UNKL: variants seen among roughly 807,000 people sequenced by gnomAD.
The protein encoded by UNKL is unk like zinc finger, also known as putative E3 ubiquitin-protein ligase UNKL.
UNKL carries 60 observed loss-of-function variants against 78.0 expected under a neutral mutation model. That is an observed-to-expected ratio of 0.77 (90% CI 0.63 to 0.95). The LOEUF (loss-of-function observed/expected upper bound fraction) is 0.95. Ranked by LOEUF, UNKL falls within the 40% of genes least tolerant of loss-of-function variation. UNKL has a pLI of 0.00. For missense variants in UNKL, 1,159 were observed against 1,045.7 expected (o/e 1.11, Z -1.49); for synonymous variants, 608 against 474.8 (o/e 1.28, Z -3.65).
intron 5 of UNKL, among the ~76,000 whole-genome samples, chr16:1,397,783 G>A (rs149450128): frequency 0.029 from 2,482 of 85,510 alleles, 36 homozygotes; most frequent in Middle Eastern, 0.088. Flanking sequence ...CCCCCACCCC[G>A]ACCCCCGTGC....
At chr16:1,366,452 G>A (rs2035261078) in intron 14 of UNKL, 57 bp from the exon 15 acceptor site, 1 of 1,491,614 alleles carries the variant, frequency 6.7e-7, no homozygotes, top group Non-Finnish European at 9.0e-7. Context: ...TGGGCCAGCT[G>A]GGGAGCCGGA....
chr16:1,398,639 C>T, intron 5 of UNKL: 2 of 1,442,590 alleles, frequency 1.4e-6, no homozygotes, highest in South Asian at 2.9e-5. Flanking sequence ...TCAGGGAGGC[C>T]AAGGCCATGG....
intron 10 of UNKL, among the ~76,000 whole-genome samples, chr16:1,375,251 T>G (rs1369387242): frequency 4.6e-5 from 7 of 152,206 alleles, no homozygotes; most frequent in Non-Finnish European, 7.4e-5. Context: ...ACCCCGAATC[T>G]GGCCGCGCTC....
At chr16:1,368,935 A>C (rs1015914206) in intron 12 of UNKL, among the ~76,000 whole-genome samples, 1 of 151,974 alleles carries the variant, frequency 6.6e-6, no homozygotes, top group African/African-American at 2.4e-5. Context: ...TTGTAGACTC[A>C]GGAGTCTCAC....
At position 1,366,187 on chromosome 16, in the gene UNKL, G is replaced by A; in HGVS notation, c.*53C>T. On this transcript the variant is annotated 3_prime_UTR_variant, in exon 15 of 15. Coordinates refer to ENST00000389221, the MANE Select transcript of UNKL (RefSeq NM_001372107.1). ...GCGAGTGACGACATGTCCGTGGTCA[G>A]GAGGAGCGCTGGAGCCAGGGTGCCC... The A allele has an allele frequency of 1.4e-6, 2 of 1,442,790 alleles. No homozygotes were observed. Among genetic ancestry groups the A allele is most frequent in the Non-Finnish European group, 1.8e-6 (2 of 1,088,356 alleles). 89.4% of individuals were successfully genotyped at this position (1,442,790 alleles called of 1,614,324 possible). A position where few individuals can be genotyped will look rare whatever the true frequency, so the allele number is the denominator to read the frequency against.
intron 2 of UNKL, chr16:1,407,166 A>G (rs1485763979): frequency 1.3e-5 from 2 of 148,898 alleles, no homozygotes; most frequent in East Asian, 3.9e-4. Context: ...AGAAAGAAAG[A>G]AAAAAAAAAG....
chr16:1,406,667 C>T (rs769195600), intron 2 of UNKL, among the ~76,000 whole-genome samples: 6 of 152,166 alleles, frequency 3.9e-5, no homozygotes, highest in African/African-American at 7.2e-5. Flanking sequence ...ACTGCTCGCA[C>T]GTCCCAGGCC....
Position 1,367,080 on chromosome 16 carries a change from A to G in UNKL, c.2046+12T>C, listed in dbSNP as rs1369158036. 7.8e-6 allele frequency: 12 copies of G among 1,533,620 alleles called. No homozygotes were observed. The highest frequency in any genetic ancestry group is 1.0e-5 in the Non-Finnish European group (12 of 1,143,908). On this transcript the variant is annotated intron_variant, in intron 14 of 14. Transcript: ENST00000389221. The stretch of plus-strand genomic sequence containing the variant: ...CAGGCTGGCCCCTCACCCTGCCCAG[A>G]GCAGGACTCACGCCGTCCACCGCCT...
chr16:1,368,459 A>G (rs867719365), intron 12 of UNKL, among the ~76,000 whole-genome samples: 12 of 151,976 alleles, frequency 7.9e-5, no homozygotes, highest in South Asian at 2.1e-4. Flanking sequence ...AAAATTAGCC[A>G]GGCGTGGTGG....
In UNKL at chr16:1,370,118, G is replaced by A. The variant is rs2035677686; in HGVS notation, c.1585+12C>T. ...TCACGGCAACGCCAGCATGGAGGGA[G>A]CCGGCACTCACCTAGGGGGCTGTAG... On this transcript the variant is annotated intron_variant, in intron 12 of 14. Coordinates refer to ENST00000389221, the MANE Select transcript of UNKL (RefSeq NM_001372107.1). 2 of 1,536,528 alleles carry A rather than the reference G, an allele frequency of 1.3e-6. No homozygotes were observed. Among genetic ancestry groups the A allele is most frequent in the Non-Finnish European group, 1.8e-6 (2 of 1,138,596 alleles).
At chr16:1,392,163 G>C (rs988727970) in intron 8 of UNKL, among the ~76,000 whole-genome samples, 1 of 152,186 alleles carries the variant, frequency 6.6e-6, no homozygotes. Flanking sequence ...AAGGGAGTCA[G>C]AGTGTGCCAC....
intron 2 of UNKL, chr16:1,405,785 C>G (rs1396162233): frequency 2.8e-6 from 1 of 355,904 alleles, no homozygotes; most frequent in East Asian, 7.5e-5. Flanking sequence ...CGTGATTACA[C>G]CCAGCACATG....
rs2037530595 is a variant in UNKL, at chr16:1,401,589, T to A, written c.577A>T (p.Ser193Cys). 3 of 1,590,556 alleles carry A rather than the reference T, an allele frequency of 1.9e-6. No individual in the cohort carries two copies. Among genetic ancestry groups the A allele is most frequent in the Non-Finnish European group, 2.6e-6 (3 of 1,167,282 alleles). ...TTACCTTGCCACCGGGGGTCCTCGC[T>A]CAGGATCTTCTCAATCATGGCCTGG... Reference protein sequence around the residue: ...ASQAMIEKILSEDPRWQDANF... With the variant: ...ASQAMIEKILCEDPRWQDANF... The change falls in exon 4 of 15, where the codon AGC (serine) becomes TGC (cysteine). Residue 193 changes from serine to cysteine, a missense_variant. Coordinates refer to ENST00000389221, the MANE Select transcript of UNKL (RefSeq NM_001372107.1).
At chr16:1,366,465 G>A in intron 14 of UNKL, 70 bp from the exon 15 acceptor site, 4 of 1,469,574 alleles carry the variant, frequency 2.7e-6, no homozygotes, top group Middle Eastern at 5.1e-4. Flanking sequence ...GAGCCGGAGG[G>A]CCTTCCGGGC....
chr16:1,392,433 T>TC (rs151218591), intron 8 of UNKL, among the ~76,000 whole-genome samples: 1 of 150,232 alleles, frequency 6.7e-6, no homozygotes, highest in Non-Finnish European at 1.5e-5. Context: ...AACCCCCTCT[T>TC]CCCCCCTCTT....
chr16:1,367,491 TC>T, intron 13 of UNKL, 142 bp from the exon 14 acceptor site: 5 of 18,824 alleles, frequency 2.7e-4, no homozygotes, highest in Non-Finnish European at 4.6e-4. Flanking sequence ...CGGCCCTCCC[TC>T]CCTCCCTCCC....
At chr16:1,390,746 T>C in intron 8 of UNKL, 52 bp from the exon 9 acceptor site, 1 of 1,529,238 alleles carries the variant, frequency 6.5e-7, no homozygotes. Context: ...GAAATGTAAA[T>C]TAAAAACATA....
chr16:1,366,325 G>GGCCGCAGGACAGC lies in UNKL; in HGVS notation c.2104_2116dup (p.Pro706ArgfsTer13). On this transcript the variant is annotated frameshift_variant, in exon 15 of 15. Transcript: ENST00000389221. LOFTEE classifies it low-confidence loss of function (END_TRUNC). ...CTCACAGAGGATGTGGTGCTGACAG[G>GGCCGCAGGACAGC]GCCGCAGGACAGCACCGTGGGCCCG... 1 of 1,604,026 alleles carries GGCCGCAGGACAGC rather than the reference G, an allele frequency of 6.2e-7. No individual in the cohort carries two copies. The highest frequency in any genetic ancestry group is 8.5e-7 in the Non-Finnish European group (1 of 1,176,544).
rs1415122797 is a variant in UNKL at position 1,370,316 on chromosome 16, C to T, written c.1399G>A (p.Gly467Ser). 13 of 1,532,624 alleles carry T rather than the reference C, an allele frequency of 8.5e-6. No individual in the cohort carries two copies. Among genetic ancestry groups the T allele is most frequent in the South Asian group, 2.4e-5 (2 of 83,786 alleles). 94.9% of individuals were successfully genotyped at this position (1,532,624 alleles called of 1,614,324 possible). ...AGCGATGGTGCTCTGGGCAGGGAGC[C>T]GGGGATGGCGACAGGTGCAGAGCCG... is the stretch of plus-strand genomic sequence containing the variant. The part of the protein sequence containing the change: ...LAGSAPVAIP[G>S]SLPRAPSLHS... The change falls in exon 12 of 15, where the codon GGC (glycine) becomes AGC (serine). Residue 467 changes from glycine (G) to serine (S), a missense_variant. Coordinates refer to ENST00000389221, the MANE Select transcript of UNKL (RefSeq NM_001372107.1).
Sources: gnomAD v4.1 joint callset for allele counts (sites outside exome capture counted in the v4.1 genomes callset) on GRCh38, gnomAD v4.1.1 for gene constraint, MANE v1.5 for transcripts, NCBI Gene and HGNC (gene_info 2026-07-23, HGNC 2026-07-21) for gene names.